The following TPRG1 variants were observed in gnomAD, a reference collection of about 807,000 sequenced individuals.
TPRG1 encodes the protein tumor protein p63 regulated 1.
Under a neutral mutation model 29.3 loss-of-function variants are expected in TPRG1, and 29 were observed. The ratio of observed to expected loss-of-function variants is 0.99; its 90% CI spans 0.74 to 1.35. The LOEUF (loss-of-function observed/expected upper bound fraction) is 1.35, where lower values mean the gene tolerates loss of function less well. Among genes scored for constraint, TPRG1 ranks in the 40% most tolerant of loss-of-function variants. The pLI is 0.00. For synonymous variants in TPRG1, 130 were observed against 116.8 expected (o/e 1.11, Z -0.73); for missense variants, 327 against 335.0 (o/e 0.98, Z 0.19).
At chr3:189,052,329 CAT>C (rs56735764) in intron 4 of TPRG1, among the ~76,000 whole-genome samples, 2,839 of 152,236 alleles carry the variant, frequency 0.019, 88 homozygotes, top group African/African-American at 0.064. Flanking sequence ...AGCCAACAAA[CAT>C]ATGAAAAAAT....
At chr3:189,299,869 G>A (rs1328172371) in intron 4 of TPRG1, among the ~76,000 whole-genome samples, 1 of 152,160 alleles carries the variant, frequency 6.6e-6, no homozygotes, top group Non-Finnish European at 1.5e-5. Flanking sequence ...TTGGAGCTGT[G>A]AGGGGTTGTG....
chr3:189,053,359 G>A (rs1353530400), intron 4 of TPRG1, among the ~76,000 whole-genome samples: 1 of 152,134 alleles, frequency 6.6e-6, no homozygotes, highest in Non-Finnish European at 1.5e-5. Context: ...AGGAAACATA[G>A]AAATTGACCC....
chr3:189,098,722 A>C (rs1172052465), upstream of TPRG1, among the ~76,000 whole-genome samples: 3 of 152,218 alleles, frequency 2.0e-5, no homozygotes, highest in African/African-American at 7.2e-5. Context: ...CTTGCATAGA[A>C]GTAGAGCCCG....
chr3:189,316,224 G>C (rs988545442), intron 5 of TPRG1, among the ~76,000 whole-genome samples: 1 of 152,136 alleles, frequency 6.6e-6, no homozygotes, highest in Non-Finnish European at 1.5e-5. Context: ...AGAAGCTACT[G>C]CCTCTTCTTA....
chr3:189,301,834 C>T (rs1051753779), intron 4 of TPRG1, among the ~76,000 whole-genome samples: 3 of 152,152 alleles, frequency 2.0e-5, no homozygotes, highest in African/African-American at 7.2e-5. Flanking sequence ...TAAACCACAC[C>T]CTACTGACTC....
intron 4 of TPRG1, among the ~76,000 whole-genome samples, chr3:189,037,548 A>C (rs1421103336): frequency 6.6e-6 from 1 of 151,958 alleles, no homozygotes; most frequent in African/African-American, 2.4e-5. Context: ...GAAGAAACTT[A>C]AGGTATATTT....
At chr3:189,185,571 T>C (rs897332471) in intron 1 of TPRG1, among the ~76,000 whole-genome samples, 2 of 152,060 alleles carry the variant, frequency 1.3e-5, no homozygotes, top group African/African-American at 4.8e-5. Context: ...TTTTTTCCTG[T>C]CAGTCCTAAG....
rs116384193 is a variant in TPRG1, at chr3:189,204,203, A to G, written c.-9-3173A>G. 2.5e-3 allele frequency among the ~76,000 whole-genome samples: 380 copies of G among 152,300 alleles called. 3 individuals are homozygous for G. The highest frequency in any genetic ancestry group is 7.8e-3 in the African/African-American group (325 of 41,552). ...TCTTTTCAGTTCTAAAAGGCTCCCAATGAGTTTGTTGCAGGGGATGATTGA... is the reference window on the plus strand; with the variant it reads ...TCTTTTCAGTTCTAAAAGGCTCCCAGTGAGTTTGTTGCAGGGGATGATTGA... On this transcript the variant is annotated intron_variant, in intron 1 of 5. Transcript: ENST00000345063.
chr3:189,257,216 T>C (rs527396197), intron 4 of TPRG1, among the ~76,000 whole-genome samples: 1 of 152,348 alleles, frequency 6.6e-6, no homozygotes, highest in South Asian at 2.1e-4. Flanking sequence ...ACAAAATCTC[T>C]CAGCATTTGC....
chr3:189,254,948 T>C (rs1292177755), intron 4 of TPRG1, among the ~76,000 whole-genome samples: 3 of 152,176 alleles, frequency 2.0e-5, no homozygotes, highest in Non-Finnish European at 4.4e-5. Context: ...TTTCTAAATA[T>C]ACAGTCATGT....
chr3:189,061,788 C>G (rs1488414752), intron 4 of TPRG1, among the ~76,000 whole-genome samples: 1 of 151,862 alleles, frequency 6.6e-6, no homozygotes, highest in African/African-American at 2.4e-5. Flanking sequence ...CAAAAAGTAA[C>G]AGATGATAGT....
chr3:189,062,845 A>G (rs1403888503), intron 4 of TPRG1, among the ~76,000 whole-genome samples: 2 of 152,256 alleles, frequency 1.3e-5, no homozygotes, highest in East Asian at 3.9e-4. Flanking sequence ...AGGCAATAAA[A>G]GAGTAACAGA....
Position 189,115,966 on chromosome 3 carries a change from A to G in TPRG1, c.-743-11091A>G, listed in dbSNP as rs538698524. Among the ~76,000 whole-genome samples, 8 of 152,308 alleles carry G rather than the reference A, an allele frequency of 5.3e-5. No homozygotes were observed. The South Asian group carries it at 1.7e-3, about 32-fold the overall frequency. ...CACCACACCCAGTAGAATGGCTACTATCAAAAAAACAGAACATAACCACTG... is the reference window on the plus strand; with the variant it reads ...CACCACACCCAGTAGAATGGCTACTGTCAAAAAAACAGAACATAACCACTG... On this transcript the variant is annotated intron_variant, in intron 1 of 6. Coordinates refer to the TPRG1 transcript ENST00000412373.
intron 4 of TPRG1, among the ~76,000 whole-genome samples, chr3:189,270,051 TC>T (rs1714828970): frequency 6.6e-6 from 1 of 151,490 alleles, no homozygotes; most frequent in East Asian, 1.9e-4. Flanking sequence ...TTCTTCTTCT[TC>T]TTCTTCTTTT....
intron 4 of TPRG1, among the ~76,000 whole-genome samples, chr3:189,300,756 A>T (rs1720698674): frequency 6.6e-6 from 1 of 152,126 alleles, no homozygotes; most frequent in Non-Finnish European, 1.5e-5. Context: ...GGAGTAGGCA[A>T]CTTCTGCCAG....
chr3:189,316,066 G>A (rs1313524170), intron 5 of TPRG1, among the ~76,000 whole-genome samples: 2 of 152,168 alleles, frequency 1.3e-5, no homozygotes, highest in Non-Finnish European at 2.9e-5. Flanking sequence ...AATGTTCTCC[G>A]ATAAAGACTA....
intron 3 of TPRG1, among the ~76,000 whole-genome samples, chr3:189,014,868 T>A (rs1053427576): frequency 6.6e-6 from 1 of 152,130 alleles, no homozygotes; most frequent in Non-Finnish European, 1.5e-5. Flanking sequence ...CAGTCTCAGG[T>A]AGTACTTTAT....
intron 3 of TPRG1, among the ~76,000 whole-genome samples, chr3:189,227,457 C>T (rs1328784415): frequency 6.6e-6 from 1 of 152,204 alleles, no homozygotes; most frequent in South Asian, 2.1e-4. Flanking sequence ...AGTTCCTGAA[C>T]TGAATTTTTC....
intron 5 of TPRG1, among the ~76,000 whole-genome samples, chr3:189,155,821 C>CAGGGGTTGG (rs1726595085): frequency 6.6e-6 from 1 of 152,026 alleles, no homozygotes; most frequent in African/African-American, 2.4e-5. Flanking sequence ...ATTTGGTTAG[C>CAGGGGTTGG]AGGGGTTGGA....
Sources: gnomAD v4.1 joint callset for allele counts (sites outside exome capture counted in the v4.1 genomes callset) on GRCh38, gnomAD v4.1.1 for gene constraint, MANE v1.5 for transcripts, NCBI Gene and HGNC (gene_info 2026-07-23, HGNC 2026-07-21) for gene names.